The following SMARCAL1 variants were observed in gnomAD, a reference collection of about 807,000 sequenced individuals.
SMARCAL1 encodes SNF2 related chromatin remodeling annealing helicase 1, also known as ATP-driven annealing helicase.
SMARCAL1 carries 58 observed loss-of-function variants against 94.5 expected under a neutral mutation model. That is an observed-to-expected ratio of 0.61 (90% CI 0.50 to 0.76). The LOEUF (loss-of-function observed/expected upper bound fraction) is 0.76, where lower values mean the gene tolerates loss of function less well. Among genes scored for constraint, SMARCAL1 ranks in the 30% least tolerant of loss-of-function variants. The probability of loss-of-function intolerance (pLI) is 0.00; values close to 1 mark genes in which losing one functional copy is unlikely to be tolerated. For synonymous variants in SMARCAL1, 422 were observed against 455.1 expected (o/e 0.93, Z 0.93); for missense variants, 1,051 against 1,177.9 (o/e 0.89, Z 1.58).
intron 12 of SMARCAL1, among the ~76,000 whole-genome samples, chr2:216,463,139 G>A (rs1165349469): frequency 6.6e-6 from 1 of 152,166 alleles, no homozygotes; most frequent in Non-Finnish European, 1.5e-5. Flanking sequence ...TGTTATTGCT[G>A]TTGAATCACG....
chr2:216,428,808 T>C, intron 7 of SMARCAL1, 26 bp downstream of exon 7: 1 of 1,600,460 alleles, frequency 6.2e-7, no homozygotes, highest in Non-Finnish European at 8.6e-7. Flanking sequence ...TCCTCTCTCT[T>C]CCTCTGTTGC....
rs1406167748 is a variant in SMARCAL1, at chr2:216,428,693, TC to T, written c.1246del (p.Leu416SerfsTer21). 6.2e-7 allele frequency: 1 copy of T among 1,614,136 alleles called. No homozygotes were observed. The highest frequency in any genetic ancestry group is 8.5e-7 in the Non-Finnish European group (1 of 1,179,974). On this transcript the variant is annotated frameshift_variant, in exon 7 of 18. Transcript: ENST00000357276. LOFTEE classifies it high-confidence loss of function. ...ASQLKKTSLS[L>X]TPDVPEADLS... ...CTCAGCTCAAGAAGACATCTCTCAG[TC>T]TCACGCCAGATGTCCCAGAGGCAGA...
At chr2:216,435,057 C>T (rs1038971527) in intron 8 of SMARCAL1, among the ~76,000 whole-genome samples, 1 of 151,812 alleles carries the variant, frequency 6.6e-6, no homozygotes, top group Non-Finnish European at 1.5e-5. Context: ...GGGATTTCTC[C>T]GTGTTGGTCA....
At position 216,464,594 on chromosome 2, in the gene SMARCAL1, C is replaced by G; in HGVS notation, c.2071-3C>G. The G allele has an allele frequency of 6.2e-7, 1 of 1,610,506 alleles. No individual in the cohort carries two copies. Among genetic ancestry groups the G allele is most frequent in the Non-Finnish European group, 8.5e-7 (1 of 1,177,184 alleles). The stretch of plus-strand genomic sequence containing the variant: ...TTAACATTCTTAACTTATCTTTCAA[C>G]AGAAACAGCAGCAGAAAGATGCCCT... On this transcript the variant is annotated splice_polypyrimidine_tract_variant and splice_region_variant and intron_variant, in intron 12 of 17. Coordinates refer to ENST00000357276, the MANE Select transcript of SMARCAL1 (RefSeq NM_014140.4).
In SMARCAL1 at chr2:216,438,407, T is replaced by C; in HGVS notation, c.1645-13T>C. 1 of 1,612,552 alleles carries C rather than the reference T, an allele frequency of 6.2e-7. No individual in the cohort carries two copies. Among genetic ancestry groups the C allele is most frequent in the Non-Finnish European group, 8.5e-7 (1 of 1,178,628 alleles). On this transcript the variant is annotated splice_polypyrimidine_tract_variant and intron_variant, in intron 9 of 17. Coordinates refer to ENST00000357276, the MANE Select transcript of SMARCAL1 (RefSeq NM_014140.4). ...ATTGGATCTTGTACACTTATGTGGC[T>C]ACTTCTTTTCAGGATGAATCTCACT...
chr2:216,420,028 CA>C (rs60555710), intron 4 of SMARCAL1, among the ~76,000 whole-genome samples: 3,622 of 40,166 alleles, frequency 0.09, 40 homozygotes, highest in African/African-American at 0.21. Context: ...GACCCCGTCT[CA>C]AAAAAAAAAA....
chr2:216,447,604 G>A (rs933569148), intron 11 of SMARCAL1, among the ~76,000 whole-genome samples: 2 of 152,114 alleles, frequency 1.3e-5, no homozygotes, highest in East Asian at 3.9e-4. Context: ...AAGTAGGTGA[G>A]GGGGTAAGGG....
At chr2:216,416,229 C>G in intron 3 of SMARCAL1, 28 bp from the exon 4 acceptor site, 1 of 1,607,062 alleles carries the variant, frequency 6.2e-7, no homozygotes, top group Non-Finnish European at 8.5e-7. Context: ...AAATTGTCAA[C>G]AGTCATCAGT....
At chr2:216,481,447 C>T (rs1264374291) in intron 17 of SMARCAL1, among the ~76,000 whole-genome samples, 4 of 152,086 alleles carry the variant, frequency 2.6e-5, no homozygotes, top group South Asian at 2.1e-4. Context: ...CCCCCCGCCT[C>T]GGCCTCCCAA....
intron 17 of SMARCAL1, among the ~76,000 whole-genome samples, chr2:216,480,488 GT>G (rs1695172547): frequency 6.6e-6 from 1 of 152,204 alleles, no homozygotes; most frequent in Non-Finnish European, 1.5e-5. Flanking sequence ...GCAGGGTGGC[GT>G]TTCCTTGACA....
chr2:216,482,762 G>T lies in SMARCAL1; in HGVS notation c.2650G>T (p.Asp884Tyr), dbSNP rs763712548. Residue 884 changes from aspartate (D) to tyrosine (Y), a missense_variant, in exon 18 of 18, where the codon GAC becomes TAC. By Grantham distance (160) the Asp-to-Tyr change is radical. Around this residue, in one of 3 missense-constraint regions of SMARCAL1, gnomAD observed 642 missense variants for 754.7 expected, o/e 0.85. Coordinates refer to ENST00000357276, the MANE Select transcript of SMARCAL1 (RefSeq NM_014140.4). This position sits in a 1 kb window ranked among gnomAD's most constrained non-coding sequence, Gnocchi z 4.3. ...GGACCCAAAGCAGCAGAAGATCTAC[G>T]ACCTATTCCAGAAGTCCTTTGAGAA... ...YKDPKQQKIYDLFQKSFEKEG... is the reference protein window; with the variant it reads ...YKDPKQQKIYYLFQKSFEKEG... 1.2e-6 allele frequency: 2 copies of T among 1,613,990 alleles called. No homozygotes were observed. Among genetic ancestry groups the T allele is most frequent in the Non-Finnish European group, 1.7e-6 (2 of 1,179,986 alleles).
At chr2:216,471,158 T>C (rs1385468566) in intron 14 of SMARCAL1, among the ~76,000 whole-genome samples, 1 of 152,138 alleles carries the variant, frequency 6.6e-6, no homozygotes, top group Non-Finnish European at 1.5e-5. Flanking sequence ...TTTAACTCAC[T>C]GTTTACTATA....
intron 1 of SMARCAL1, among the ~76,000 whole-genome samples, chr2:216,413,511 G>GA (rs915036550): frequency 6.6e-6 from 1 of 151,916 alleles, no homozygotes; most frequent in African/African-American, 2.4e-5. Context: ...TGTTATGGAT[G>GA]AAAAAAAATC....
rs1363331109 is a variant in SMARCAL1, at chr2:216,482,164, T to TG, written c.2626-568dup. Among the ~76,000 whole-genome samples, 2 of 152,020 alleles carry TG rather than the reference T, an allele frequency of 1.3e-5. No individual in the cohort carries two copies. Among genetic ancestry groups the TG allele is most frequent in the Non-Finnish European group, 2.9e-5 (2 of 67,988 alleles). On this transcript the variant is annotated intron_variant, in intron 17 of 17. Transcript: ENST00000357276. The surrounding 1 kb of genome is among the most constrained non-coding windows in gnomAD (Gnocchi z 4.3). ...TGGCTGAACACAGAGATTTGGAAGT[T>TG]GGGGGGCTGGGCACATGGTGGCTCA...
intron 11 of SMARCAL1, among the ~76,000 whole-genome samples, chr2:216,450,370 C>A (rs1694421803): frequency 6.6e-6 from 1 of 152,320 alleles, no homozygotes; most frequent in South Asian, 2.1e-4. Context: ...CTGGTGTAAT[C>A]CATACTGCAG....
At chr2:216,457,571 C>G (rs1488552221) in intron 12 of SMARCAL1, among the ~76,000 whole-genome samples, 4 of 152,228 alleles carry the variant, frequency 2.6e-5, no homozygotes, top group African/African-American at 7.2e-5. Flanking sequence ...ACTGAACAAC[C>G]TGCTCCTGAA....
At chr2:216,415,883 C>G in intron 3 of SMARCAL1, 3 of 377,362 alleles carry the variant, frequency 7.9e-6, no homozygotes, top group South Asian at 2.6e-5. Context: ...GTGACAGGCC[C>G]AGTTTCATTG....
intron 13 of SMARCAL1, among the ~76,000 whole-genome samples, chr2:216,465,943 T>C (rs1043676124): frequency 4.6e-5 from 7 of 152,202 alleles, no homozygotes; most frequent in South Asian, 2.1e-4. Flanking sequence ...GACTGCCCAG[T>C]GCTGGCCTCC....
At chr2:216,466,380 T>C (rs780594846) in intron 13 of SMARCAL1, among the ~76,000 whole-genome samples, 1 of 152,230 alleles carries the variant, frequency 6.6e-6, no homozygotes, top group Non-Finnish European at 1.5e-5. Context: ...TGTGAGATCA[T>C]GTAAGTCACA....
Sources: allele counts gnomAD v4.1 joint callset (sites outside exome capture counted in the v4.1 genomes callset), GRCh38; gene constraint gnomAD v4.1.1; regional missense constraint gnomAD v4.1.1; non-coding constraint Gnocchi (gnomAD v3.1); transcripts MANE v1.5; gene names NCBI Gene and HGNC (gene_info 2026-07-23, HGNC 2026-07-21).